RFTN1: variants seen among roughly 807,000 people sequenced by gnomAD.
The protein encoded by RFTN1 is raftlin, lipid raft linker 1.
Under a neutral mutation model 46.5 loss-of-function variants are expected in RFTN1, and 26 were observed. That is an observed-to-expected ratio of 0.56 (90% confidence interval 0.41 to 0.78). The LOEUF (loss-of-function observed/expected upper bound fraction) is 0.78, where lower values mean the gene tolerates loss of function less well. RFTN1 is among the 30% of genes least tolerant of loss of function. RFTN1 has a pLI of 0.00. For synonymous variants in RFTN1, 261 were observed against 284.2 expected (o/e 0.92, Z 0.82); for missense variants, 693 against 718.7 (o/e 0.96, Z 0.41).
Position 16,443,474 on chromosome 3 carries a change from A to T in RFTN1, c.146-9437T>A, listed in dbSNP as rs2125516443. Among the ~76,000 whole-genome samples the T allele has an allele frequency of 6.6e-6, 1 of 152,304 alleles. No homozygotes were observed. Among genetic ancestry groups the T allele is most frequent in the African/African-American group, 2.4e-5 (1 of 41,560 alleles). ...AATGAGTTCTGAAATACTATTCTTA[A>T]TACCTTAATTAAACCATGGATGAAC... is the stretch of plus-strand genomic sequence containing the variant. On this transcript the variant is annotated intron_variant, in intron 2 of 9. Transcript: ENST00000334133. This position sits in a 1 kb window ranked among gnomAD's most constrained non-coding sequence, Gnocchi z 5.5.
intron 1 of RFTN1, among the ~76,000 whole-genome samples, chr3:16,495,853 G>A (rs953417906): frequency 2.6e-5 from 4 of 152,256 alleles, no homozygotes; most frequent in African/African-American, 9.6e-5. Context: ...TTAAGCCCCT[G>A]CATCCCCCCT....
At position 16,357,965 on chromosome 3, in the gene RFTN1, A is replaced by G; in HGVS notation, c.1113T>C (p.Asp371=). 6.2e-7 allele frequency: 1 copy of G among 1,612,176 alleles called. No homozygotes were observed. Among genetic ancestry groups the G allele is most frequent in the Non-Finnish European group, 8.5e-7 (1 of 1,179,204 alleles). The change falls in exon 7 of 10, where the codon GAT becomes GAC. Residue 371 remains aspartate, a synonymous_variant. Coordinates refer to ENST00000334133, the MANE Select transcript of RFTN1 (RefSeq NM_015150.2). ...CTGTCCATTGTTCAACCACAATAGC[A>G]TCATAGCCCTGTATGGTTTTGCTAT... is the stretch of plus-strand genomic sequence containing the variant. ...TEDSKTIQGY[D]AIVVEQWTVL... is the part of the protein sequence containing the mutation.
intron 9 of RFTN1, among the ~76,000 whole-genome samples, chr3:16,319,998 G>A (rs1250394803): frequency 6.6e-6 from 1 of 152,192 alleles, no homozygotes; most frequent in African/African-American, 2.4e-5. Flanking sequence ...GAGCATCTGT[G>A]GCAGTTGGGT....
At chr3:16,368,386 A>T (rs1202638727) in intron 6 of RFTN1, among the ~76,000 whole-genome samples, 1 of 152,224 alleles carries the variant, frequency 6.6e-6, no homozygotes, top group Non-Finnish European at 1.5e-5. Flanking sequence ...AGACACGTAT[A>T]TTCGGCCGGG....
At position 16,455,144 on chromosome 3, in the gene RFTN1, T is replaced by G. The variant is rs2075884199; in HGVS notation, c.146-21107A>C. Among the ~76,000 whole-genome samples the G allele has an allele frequency of 2.6e-5, 4 of 152,214 alleles. 1 individual carries two copies. In the South Asian group the frequency reaches 8.3e-4, roughly 32 times the overall value. ...CTCCTTGCTCACAAGAGTTGGACCC[T>G]GTTGGGATCAGCAAACAGCTGCAGC... On this transcript the variant is annotated intron_variant, in intron 2 of 9. Coordinates refer to ENST00000334133, the MANE Select transcript of RFTN1 (RefSeq NM_015150.2).
rs1559384782 is a variant in RFTN1, at chr3:16,512,793, G to C, written c.-9+649C>G. The C allele has an allele frequency of 6.6e-6, 1 of 152,240 alleles. No individual in the cohort carries two copies. The highest frequency in any genetic ancestry group is 2.4e-5 in the African/African-American group (1 of 41,444). The allele number at this position is 152,240 out of a possible 1,614,324, so 9.4% of individuals were successfully genotyped here. ...GAAGAAAATCCCTTACAGAAGAGGA[G>C]ATCCCCGTTTTCAGTGCTGGGGACT... On this transcript the variant is annotated intron_variant, in intron 1 of 9. Coordinates refer to ENST00000334133, the MANE Select transcript of RFTN1 (RefSeq NM_015150.2). The surrounding 1 kb of genome is among the most constrained non-coding windows in gnomAD (Gnocchi z 4.3).
At position 16,381,943 on chromosome 3, in the gene RFTN1, G is replaced by T. The variant is rs552713777; in HGVS notation, c.442-3841C>A. Among the ~76,000 whole-genome samples, 4 of 152,082 alleles carry T rather than the reference G, an allele frequency of 2.6e-5. No homozygotes were observed. The highest frequency in any genetic ancestry group is 4.8e-5 in the African/African-American group (2 of 41,414). ...GAGCAGAGGAGAGTGGGAGTCTGAG[G>T]GAAAACTGCAAGATTTCTTCGAATG... is the stretch of plus-strand genomic sequence containing the variant. On this transcript the variant is annotated intron_variant, in intron 4 of 9. Transcript: ENST00000334133. This position sits in a 1 kb window ranked among gnomAD's most constrained non-coding sequence, Gnocchi z 4.2.
chr3:16,335,485 GTTATCC>G lies in RFTN1; in HGVS notation c.1147-8615_1147-8610del, dbSNP rs1207347440. Among the ~76,000 whole-genome samples the G allele has an allele frequency of 1.3e-5, 2 of 152,320 alleles. No homozygotes were observed. The highest frequency in any genetic ancestry group is 2.1e-4 in the South Asian group (1 of 4,832). ...GGGGACATGGATGGAGCTGGAAGCT[GTTATCC>G]TTAGCAAACTAACGCAGGAACAGAA... On this transcript the variant is annotated intron_variant, in intron 7 of 9. Transcript: ENST00000334133. This position sits in a 1 kb window ranked among gnomAD's most constrained non-coding sequence, Gnocchi z 4.7.
At position 16,376,617 on chromosome 3, in the gene RFTN1, C is replaced by G. The variant is rs760807192; in HGVS notation, c.826+1101G>C. On this transcript the variant is annotated intron_variant, in intron 5 of 9. Transcript: ENST00000334133. The surrounding 1 kb of genome is among the most constrained non-coding windows in gnomAD (Gnocchi z 4.7). ...GGCAGCAGGCATGTGCCTCAAACAG[C>G]GAAAAATCACACAGATGAAGGGCTC... 6.6e-6 allele frequency among the ~76,000 whole-genome samples: 1 copy of G among 152,154 alleles called. No individual in the cohort carries two copies. The highest frequency in any genetic ancestry group is 6.5e-5 in the Admixed American group (1 of 15,282).
rs532963802 is a variant in RFTN1, at chr3:16,383,978, T to C, written c.442-5876A>G. 1.2e-4 allele frequency among the ~76,000 whole-genome samples: 19 copies of C among 152,368 alleles called. No individual in the cohort carries two copies. The South Asian group carries it at 3.7e-3, about 30-fold the overall frequency. On this transcript the variant is annotated intron_variant, in intron 4 of 9. Transcript: ENST00000334133. This position sits in a 1 kb window ranked among gnomAD's most constrained non-coding sequence, Gnocchi z 4.0. Reference sequence around the variant, plus strand: ...TAAAACTCTAGTCTAGATGTTGCTGTAAAGGTATTTTTTAAATGTGTGATT... The same window carrying C: ...TAAAACTCTAGTCTAGATGTTGCTGCAAAGGTATTTTTTAAATGTGTGATT...
At position 16,512,002 on chromosome 3, in the gene RFTN1, A is replaced by G. The variant is rs2076909488; in HGVS notation, c.-9+1440T>C. On this transcript the variant is annotated intron_variant, in intron 1 of 9. Coordinates refer to ENST00000334133, the MANE Select transcript of RFTN1 (RefSeq NM_015150.2). The surrounding 1 kb of genome is among the most constrained non-coding windows in gnomAD (Gnocchi z 4.3). ...TTTGAATCACTCAGGCGGGCCAGAA[A>G]CCCCACTGAAGGCAAAAGAGGATGC... Among the ~76,000 whole-genome samples the G allele has an allele frequency of 6.6e-6, 1 of 151,974 alleles. No individual in the cohort carries two copies. The highest frequency in any genetic ancestry group is 1.5e-5 in the Non-Finnish European group (1 of 67,984).
intron 3 of RFTN1, among the ~76,000 whole-genome samples, chr3:16,419,091 T>C (rs969502525): frequency 3.3e-5 from 5 of 152,100 alleles, no homozygotes; most frequent in East Asian, 1.9e-4. Flanking sequence ...AAGACCTAGA[T>C]TGAGAAAAGC....
intron 4 of RFTN1, among the ~76,000 whole-genome samples, chr3:16,406,717 C>T (rs916784239): frequency 1.3e-5 from 2 of 152,286 alleles, no homozygotes; most frequent in Non-Finnish European, 2.9e-5. Context: ...AGCAAAATGA[C>T]AAATGAAACC....
In RFTN1 at chr3:16,387,570, TTCTC is replaced by T. The variant is rs3054539; in HGVS notation, c.442-9472_442-9469del. ...CACTTCTCTCTTCTATATCCTCAAT[TTCTC>T]TCTCTCTCTCTCTCTCTCTCTCTCT... On this transcript the variant is annotated intron_variant, in intron 4 of 9. Transcript: ENST00000334133. This position sits in a 1 kb window ranked among gnomAD's most constrained non-coding sequence, Gnocchi z 5.2. Among the ~76,000 whole-genome samples, 17,915 of 116,236 alleles carry T rather than the reference TTCTC, an allele frequency of 0.15. 1,375 individuals carry two copies. Among genetic ancestry groups the T allele is most frequent in the Admixed American group, 0.21 (2,423 of 11,804 alleles). 76.3% of individuals were successfully genotyped at this position (116,236 alleles called of 152,430 possible).
Position 16,429,589 on chromosome 3 carries a change from T to G in RFTN1, c.332+4262A>C, listed in dbSNP as rs7614860. Among the ~76,000 whole-genome samples, 11,510 of 152,192 alleles carry G rather than the reference T, an allele frequency of 0.076. 1,024 individuals carry two copies. Among genetic ancestry groups the G allele is most frequent in the African/African-American group, 0.22 (9,042 of 41,494 alleles). Reference sequence around the variant, plus strand: ...AAGTGCTTGGAAGGCAGGCTCCACATTCAACTGAGCCTGGCATTTGCACTC... The same window carrying G: ...AAGTGCTTGGAAGGCAGGCTCCACAGTCAACTGAGCCTGGCATTTGCACTC... On this transcript the variant is annotated intron_variant, in intron 3 of 9. Transcript: ENST00000334133. The surrounding 1 kb of genome is among the most constrained non-coding windows in gnomAD (Gnocchi z 6.4).
intron 4 of RFTN1, among the ~76,000 whole-genome samples, chr3:16,379,779 C>CA (rs2073920976): frequency 6.6e-6 from 1 of 152,070 alleles, no homozygotes; most frequent in East Asian, 1.9e-4. Flanking sequence ...TCTATGATAT[C>CA]CACCTATGTT....
At position 16,467,868 on chromosome 3, in the gene RFTN1, C is replaced by T. The variant is rs138406219; in HGVS notation, c.145+25857G>A. ...GGAGCAGACCCCAGAGGAAGGAAGT[C>T]TAAAAGAGCTTCATCCCTCACCCCA... On this transcript the variant is annotated intron_variant, in intron 2 of 9. Transcript: ENST00000334133. Among the ~76,000 whole-genome samples, 603 of 152,252 alleles carry T rather than the reference C, an allele frequency of 4.0e-3. 2 individuals carry two copies. The highest frequency in any genetic ancestry group is 0.01 in the Middle Eastern group (3 of 294).
At position 16,358,030 on chromosome 3, in the gene RFTN1, T is replaced by C; in HGVS notation, c.1048A>G (p.Thr350Ala). Residue 350 changes from threonine to alanine, a missense_variant, in exon 7 of 10, where the codon ACA becomes GCA. Thr to Ala is a moderately conservative substitution (Grantham distance 58). Transcript: ENST00000334133. ...GCTTCAAAGATGAATACTCCATCTG[T>C]CAAGCCATGTAAGGAATCTGTGGAA... ...GIVNDSLHGL[T>A]DGVFIFEAVS... The C allele has an allele frequency of 3.5e-6, 5 of 1,423,958 alleles. No homozygotes were observed. The highest frequency in any genetic ancestry group is 4.7e-6 in the Non-Finnish European group (5 of 1,054,372). 88.2% of individuals were successfully genotyped at this position (1,423,958 alleles called of 1,614,324 possible).
At chr3:16,399,273 A>T (rs958423500) in intron 4 of RFTN1, among the ~76,000 whole-genome samples, 4 of 152,194 alleles carry the variant, frequency 2.6e-5, no homozygotes, top group East Asian at 1.9e-4. Context: ...AAAATTTTAA[A>T]TTTTAAAAAA....
Sources: gnomAD v4.1 joint callset for allele counts (sites outside exome capture counted in the v4.1 genomes callset) on GRCh38, gnomAD v4.1.1 for gene constraint, Gnocchi (gnomAD v3.1) non-coding constraint, MANE v1.5 for transcripts, NCBI Gene and HGNC (gene_info 2026-07-23, HGNC 2026-07-21) for gene names.